SHLD2: variants seen among roughly 807,000 people sequenced by gnomAD.
SHLD2 encodes the protein RINN1-REV7-interacting novel NHEJ regulator 2.
A neutral mutation model predicts 73.2 loss-of-function variants in SHLD2; 30 were observed. The ratio of observed to expected loss-of-function variants is 0.41; its 90% CI spans 0.31 to 0.56. The LOEUF (loss-of-function observed/expected upper bound fraction) is 0.56. Ranked by LOEUF, SHLD2 falls within the 20% of genes least tolerant of loss-of-function variation. The probability of loss-of-function intolerance (pLI) is 0.28; values close to 1 mark genes in which losing one functional copy is unlikely to be tolerated. For missense variants in SHLD2, 745 were observed against 1,055.9 expected, an observed-to-expected ratio of 0.71 and a Z score of 4.08; for synonymous variants, 285 against 370.1, an observed-to-expected ratio of 0.77 and a Z score of 2.64.
chr10:87,142,101 A>G (rs1251769957), intron 2 of SHLD2, among the ~76,000 whole-genome samples: 1 of 152,216 alleles, frequency 6.6e-6, no homozygotes, highest in Non-Finnish European at 1.5e-5. Context: ...TTTAAAAAAT[A>G]AATTTCAAAA....
At chr10:87,176,678 A>C (rs2134654424) in intron 7 of SHLD2, among the ~76,000 whole-genome samples, 1 of 152,384 alleles carries the variant, frequency 6.6e-6, no homozygotes, top group East Asian at 1.9e-4. Context: ...GCCAGATTAA[A>C]ATGTTACTAG....
chr10:87,176,234 C>T lies in SHLD2; in HGVS notation c.2170+139C>T, dbSNP rs1408727252. The T allele has an allele frequency of 3.9e-6, 5 of 1,279,738 alleles. No homozygotes were observed. The South Asian group carries it at 4.2e-5, about 11-fold the overall frequency. 79.3% of individuals were successfully genotyped at this position (1,279,738 alleles called of 1,614,324 possible). A position where few individuals can be genotyped will look rare whatever the true frequency, so the allele number is the denominator to read the frequency against. On this transcript the variant is annotated intron_variant, in intron 7 of 9. Coordinates refer to ENST00000298786, the MANE Select transcript of SHLD2 (RefSeq NM_001330112.2). Reference sequence around the variant, plus strand: ...CCTCCCAGGTTTAAGTGATTCTCCCCGTTCAGCCTTTCGCGTAGCTCAGGA... The same window carrying T: ...CCTCCCAGGTTTAAGTGATTCTCCCTGTTCAGCCTTTCGCGTAGCTCAGGA...
chr10:87,143,061 C>G (rs533383628), intron 2 of SHLD2, among the ~76,000 whole-genome samples: 1 of 150,936 alleles, frequency 6.6e-6, no homozygotes, highest in South Asian at 2.1e-4. Flanking sequence ...TCCTGAGTAG[C>G]TGGGACTACA....
chr10:87,162,519 C>A (rs977993115), intron 4 of SHLD2, among the ~76,000 whole-genome samples: 12 of 152,046 alleles, frequency 7.9e-5, no homozygotes, highest in African/African-American at 2.9e-4. Context: ...CATAGTGAGA[C>A]CCTGTCTCTA....
At chr10:87,182,436 C>T (rs1848372949) in intron 8 of SHLD2, among the ~76,000 whole-genome samples, 1 of 152,176 alleles carries the variant, frequency 6.6e-6, no homozygotes, top group African/African-American at 2.4e-5. Flanking sequence ...TTGGTTGTAA[C>T]TTGGAGCTGA....
chr10:87,123,182 C>T (rs1475940823), intron 2 of SHLD2, among the ~76,000 whole-genome samples: 2 of 152,244 alleles, frequency 1.3e-5, no homozygotes, highest in East Asian at 1.9e-4. Flanking sequence ...GCTGAGATTA[C>T]AGGCATGAGT....
chr10:87,103,054 A>G (rs188743147), intron 2 of SHLD2, among the ~76,000 whole-genome samples: 203 of 151,938 alleles, frequency 1.3e-3, no homozygotes, highest in Middle Eastern at 3.4e-3. Flanking sequence ...TGCTAAAAAT[A>G]CAAAAATTAG....
chr10:87,186,205 G>C (rs949489458), intron 8 of SHLD2, among the ~76,000 whole-genome samples: 1 of 152,148 alleles, frequency 6.6e-6, no homozygotes, highest in African/African-American at 2.4e-5. Flanking sequence ...TAGAGTCATC[G>C]TGTGAATAAA....
intron 6 of SHLD2, among the ~76,000 whole-genome samples, chr10:87,171,702 T>C (rs1359610129): frequency 6.6e-6 from 1 of 152,246 alleles, no homozygotes; most frequent in African/African-American, 2.4e-5. Flanking sequence ...AAAGAGTTAA[T>C]GTCTCTCCAA....
At chr10:87,159,995 A>T (rs899810799) in intron 4 of SHLD2, among the ~76,000 whole-genome samples, 3 of 152,224 alleles carry the variant, frequency 2.0e-5, no homozygotes, top group Non-Finnish European at 2.9e-5. Flanking sequence ...AAGTTTTTTA[A>T]ATAATAAATA....
In SHLD2 at chr10:87,158,258, A is replaced by G. The variant is rs12251817; in HGVS notation, c.1633+103A>G. The stretch of plus-strand genomic sequence containing the variant: ...GGTTCTTTTACAAAATGTTTTCTAA[A>G]CAGTTGGAGAGTATTGGTTTCTTTT... On this transcript the variant is annotated intron_variant, in intron 4 of 9. Transcript: ENST00000298786. 6.3e-3 allele frequency: 7,569 copies of G among 1,193,202 alleles called. 363 individuals are homozygous for G. The African/African-American group carries it at 0.1, about 16-fold the overall frequency. The allele number at this position is 1,193,202 out of a possible 1,614,324, so 73.9% of individuals were successfully genotyped here. A position where few individuals can be genotyped will look rare whatever the true frequency, so the allele number is the denominator to read the frequency against.
At position 87,180,103 on chromosome 10, in the gene SHLD2, A is replaced by G. The variant is rs561293634; in HGVS notation, c.2199A>G (p.Ser733=). 1 of 1,613,918 alleles carries G rather than the reference A, an allele frequency of 6.2e-7. No individual in the cohort carries two copies. The highest frequency in any genetic ancestry group is 1.1e-5 in the South Asian group (1 of 91,080). Residue 733 remains serine, a synonymous_variant, in exon 8 of 10, where the codon TCA becomes TCG. Transcript: ENST00000298786. ...SGVVLIKAQI[S]ELAFPITASQ... ...TGGTTCTGATTAAAGCCCAGATTTC[A>G]GAGCTGGCATTTCCTATTACAGCAT...
At chr10:87,166,934 G>T (rs557739265) in intron 4 of SHLD2, among the ~76,000 whole-genome samples, 155 of 144,672 alleles carry the variant, frequency 1.1e-3, no homozygotes, top group African/African-American at 3.8e-3. Context: ...ATATTTGAAG[G>T]TGTTACATTT....
intron 4 of SHLD2, among the ~76,000 whole-genome samples, chr10:87,158,624 A>G (rs913250668): frequency 3.9e-5 from 6 of 152,122 alleles, no homozygotes; most frequent in Admixed American, 1.3e-4. Flanking sequence ...TTGAATCCTT[A>G]TTCTCCTGTC....
At position 87,151,949 on chromosome 10, in the gene SHLD2, G is replaced by A; in HGVS notation, c.595G>A (p.Val199Met). Residue 199 changes from valine (V) to methionine (M), a missense_variant, in exon 3 of 10, where the codon GTG becomes ATG. Coordinates refer to ENST00000298786, the MANE Select transcript of SHLD2 (RefSeq NM_001330112.2). Reference sequence around the variant, plus strand: ...GCCTGAAGTGGTACAAAGAGAGTGTGTGCCAACAGAATATCATGAAATACA... The same window carrying A: ...GCCTGAAGTGGTACAAAGAGAGTGTATGCCAACAGAATATCATGAAATACA... ...IGPEVVQRECVPTEYHEIQNQ... is the reference protein window; with the variant it reads ...IGPEVVQRECMPTEYHEIQNQ... 2.5e-6 allele frequency: 4 copies of A among 1,611,766 alleles called. No individual in the cohort carries two copies. The highest frequency in any genetic ancestry group is 3.4e-6 in the Non-Finnish European group (4 of 1,179,706).
At chr10:87,181,428 G>A (rs927179042) in intron 8 of SHLD2, among the ~76,000 whole-genome samples, 1 of 152,016 alleles carries the variant, frequency 6.6e-6, no homozygotes, top group African/African-American at 2.4e-5. Context: ...AAACAACATT[G>A]ATTTATTAAT....
intron 2 of SHLD2, among the ~76,000 whole-genome samples, chr10:87,134,720 G>A (rs1844677950): frequency 6.6e-6 from 1 of 152,206 alleles, no homozygotes; most frequent in South Asian, 2.1e-4. Context: ...CTGGAATGCT[G>A]CAGGCAGGGG....
At chr10:87,125,169 C>A (rs1843904854) in intron 2 of SHLD2, among the ~76,000 whole-genome samples, 1 of 152,162 alleles carries the variant, frequency 6.6e-6, no homozygotes. Flanking sequence ...AAACTCATAT[C>A]TCATTTAAGG....
At chr10:87,112,601 C>T (rs963694893) in intron 2 of SHLD2, among the ~76,000 whole-genome samples, 10 of 151,720 alleles carry the variant, frequency 6.6e-5, no homozygotes, top group African/African-American at 1.9e-4. Flanking sequence ...TGCCACTGCA[C>T]TCCAGCCTGG....
Sources: allele counts gnomAD v4.1 joint callset (sites outside exome capture counted in the v4.1 genomes callset), GRCh38; gene constraint gnomAD v4.1.1; transcripts MANE v1.5; gene names NCBI Gene and HGNC (gene_info 2026-07-23, HGNC 2026-07-21).